The following PHC2 variants were observed in gnomAD, a reference collection of about 807,000 sequenced individuals.
PHC2 encodes the protein polyhomeotic-like protein 2.
In PHC2, 29 loss-of-function variants were observed where a neutral mutation model predicts 87.4. That is an observed-to-expected ratio of 0.33 (90% CI 0.25 to 0.45). The LOEUF (loss-of-function observed/expected upper bound fraction) is 0.45, where lower values mean the gene tolerates loss of function less well. PHC2 is among the 20% of genes least tolerant of loss of function. The pLI, the probability that PHC2 is intolerant of heterozygous loss-of-function variation, is 1.00. For missense variants in PHC2, 857 were observed against 1,136.7 expected, an observed-to-expected ratio of 0.75 and a Z score of 3.54; for synonymous variants, 438 against 461.7, an observed-to-expected ratio of 0.95 and a Z score of 0.66.
chr1:33,411,913 A>G (rs908642204), intron 1 of PHC2, among the ~76,000 whole-genome samples: 1 of 152,196 alleles, frequency 6.6e-6, no homozygotes, highest in Non-Finnish European at 1.5e-5. Flanking sequence ...ATACTCAACC[A>G]TCATAACAAT....
rs1646916858 is a variant in PHC2, at chr1:33,349,517, C to A, written c.1558+4884G>T. The A allele has an allele frequency of 1.4e-5, 14 of 984,132 alleles. No individual in the cohort carries two copies. In the South Asian group the frequency reaches 4.2e-4, roughly 30 times the overall value. The allele number at this position is 984,132 out of a possible 1,614,324, so 61.0% of individuals were successfully genotyped here. ...CCCGGGCCGTTAGGGGCACCGAGGG[C>A]GGTGCCCGACTTCCAGTGCGGCGAG... On this transcript the variant is annotated intron_variant, in intron 9 of 14. Transcript: ENST00000683057. This position sits in a 1 kb window ranked among gnomAD's most constrained non-coding sequence, Gnocchi z 4.2.
rs1646586269 is a variant in PHC2, at chr1:33,334,702, G to A, written c.1559-410C>T. On this transcript the variant is annotated intron_variant, in intron 9 of 14. Transcript: ENST00000683057. The surrounding 1 kb of genome is among the most constrained non-coding windows in gnomAD (Gnocchi z 5.5). Reference sequence around the variant, plus strand: ...GTGACATCTAAAACCAGGACAAGAAGCTGAGCTAGGTATAGGGCTTTGAGT... The same window carrying A: ...GTGACATCTAAAACCAGGACAAGAAACTGAGCTAGGTATAGGGCTTTGAGT... 6.6e-6 allele frequency among the ~76,000 whole-genome samples: 1 copy of A among 152,238 alleles called. No homozygotes were observed. Among genetic ancestry groups the A allele is most frequent in the Non-Finnish European group, 1.5e-5 (1 of 68,036 alleles).
rs757581155 is a variant in PHC2, at chr1:33,367,125, T to G, written c.967A>C (p.Ile323Leu). 7 of 1,603,974 alleles carry G rather than the reference T, an allele frequency of 4.4e-6. No homozygotes were observed. Among genetic ancestry groups the G allele is most frequent in the Non-Finnish European group, 6.0e-6 (7 of 1,172,888 alleles). ...TVPAVAAHPL[I>L]APAYAQLQPH... ...TTCCTGAAGACCTTACCTGGTGCAA[T>G]GAGGGGGTGGGCAGCCACAGCAGGA... Residue 323 changes from isoleucine (I) to leucine (L), a missense_variant, in exon 7 of 15, where the codon ATT (isoleucine) becomes CTT (leucine). Physicochemically the swap from Ile to Leu is conservative, Grantham distance 5. Transcript: ENST00000683057.
At chr1:33,367,059 C>T in intron 7 of PHC2, 57 bp downstream of exon 7, 4 of 1,448,086 alleles carry the variant, frequency 2.8e-6, no homozygotes, top group African/African-American at 1.4e-5. Flanking sequence ...AAAGTCTCCT[C>T]CTGACTCACG....
At position 33,369,501 on chromosome 1, in the gene PHC2, C is replaced by T. The variant is rs537253193; in HGVS notation, c.577-879G>A. ...CATCACAGTGTGGCTGTCCAGTTCC[C>T]GAGGAGATGGAAGTCTATTTCATGC... is the stretch of plus-strand genomic sequence containing the variant. On this transcript the variant is annotated intron_variant, in intron 5 of 14. Coordinates refer to ENST00000683057, the MANE Select transcript of PHC2 (RefSeq NM_001385109.1). This position sits in a 1 kb window ranked among gnomAD's most constrained non-coding sequence, Gnocchi z 4.7. Among the ~76,000 whole-genome samples, 12 of 152,248 alleles carry T rather than the reference C, an allele frequency of 7.9e-5. No homozygotes were observed. The East Asian group carries it at 1.4e-3, about 17-fold the overall frequency.
chr1:33,332,197 A>G lies in PHC2; in HGVS notation c.1891+78T>C. ...GCTGGCTCAGGGTTCCTCTGGGGAA[A>G]CAGAGAGAGGAAGTGTGTGAGGCCT... On this transcript the variant is annotated intron_variant, in intron 11 of 14. Coordinates refer to ENST00000683057, the MANE Select transcript of PHC2 (RefSeq NM_001385109.1). The surrounding 1 kb of genome is among the most constrained non-coding windows in gnomAD (Gnocchi z 4.2). 1.9e-6 allele frequency: 3 copies of G among 1,542,288 alleles called. No homozygotes were observed. Among genetic ancestry groups the G allele is most frequent in the Non-Finnish European group, 2.7e-6 (3 of 1,117,844 alleles).
In PHC2 at chr1:33,333,771, C is replaced by A. The variant is rs927879726; in HGVS notation, c.1761+319G>T. 4 of 297,162 alleles carry A rather than the reference C, an allele frequency of 1.3e-5. No individual in the cohort carries two copies. In the South Asian group the frequency reaches 1.6e-4, roughly 12 times the overall value. 18.4% of individuals were successfully genotyped at this position (297,162 alleles called of 1,614,324 possible). A position where few individuals can be genotyped will look rare whatever the true frequency, so the allele number is the denominator to read the frequency against. On this transcript the variant is annotated intron_variant, in intron 10 of 14. Transcript: ENST00000683057. ...TGAAATCTAATTTCCCAAAACCCAT[C>A]ATCTCTCACCAAATATCCCACAGTG...
chr1:33,361,717 T>G (rs1398534223), intron 7 of PHC2, among the ~76,000 whole-genome samples: 1 of 152,236 alleles, frequency 6.6e-6, no homozygotes, highest in East Asian at 1.9e-4. Context: ...GAGTAGGATA[T>G]CCTGGCGATC....
chr1:33,363,452 G>T (rs936138294), intron 7 of PHC2, among the ~76,000 whole-genome samples: 1 of 152,136 alleles, frequency 6.6e-6, no homozygotes, highest in African/African-American at 2.4e-5. Flanking sequence ...AGGGAAATAG[G>T]GTACCCAAGA....
intron 4 of PHC2, 104 bp downstream of exon 4, chr1:33,370,913 C>G: frequency 1.1e-6 from 1 of 941,904 alleles, no homozygotes; most frequent in Non-Finnish European, 1.7e-6. Flanking sequence ...TAGATTCCAG[C>G]CATGATGCTA....
Position 33,324,833 on chromosome 1 carries a change from G to A in PHC2, c.*32C>T, listed in dbSNP as rs752325255. 3.8e-6 allele frequency: 6 copies of A among 1,591,128 alleles called. No homozygotes were observed. The highest frequency in any genetic ancestry group is 1.7e-5 in the Admixed American group (1 of 58,616). On this transcript the variant is annotated 3_prime_UTR_variant, in exon 15 of 15. Coordinates refer to ENST00000683057, the MANE Select transcript of PHC2 (RefSeq NM_001385109.1). ...TGGCTCTGCTCAGTCGGGAGGAGGCGCCCTGGGCCAGAATCCTGGCTGCCA... is the reference window on the plus strand; with the variant it reads ...TGGCTCTGCTCAGTCGGGAGGAGGCACCCTGGGCCAGAATCCTGGCTGCCA...
intron 7 of PHC2, chr1:33,363,343 C>T (rs369815070): frequency 1.7e-4 from 26 of 152,278 alleles, no homozygotes; most frequent in South Asian, 1.5e-3. Context: ...TCATCAAAAT[C>T]GTTGGGGATT....
chr1:33,362,840 T>C (rs1647232018), intron 7 of PHC2, among the ~76,000 whole-genome samples: 1 of 152,330 alleles, frequency 6.6e-6, no homozygotes, highest in South Asian at 2.1e-4. Context: ...TTAACACCCA[T>C]AGTGTTCAGC....
intron 1 of PHC2, among the ~76,000 whole-genome samples, chr1:33,428,794 G>C (rs536195789): frequency 6.6e-6 from 1 of 152,350 alleles, no homozygotes; most frequent in South Asian, 2.1e-4. Flanking sequence ...TAAGGAGGGA[G>C]GGTGAACAGA....
At chr1:33,346,050 C>G in intron 9 of PHC2, 1 of 985,340 alleles carries the variant, frequency 1.0e-6, no homozygotes, top group African/African-American at 1.7e-5. Context: ...ACATTTAAAG[C>G]ATAAATCTAT....
At chr1:33,325,219 T>C in intron 14 of PHC2, 200 bp from the exon 15 acceptor site, 1 of 566,170 alleles carries the variant, frequency 1.8e-6, no homozygotes, top group Non-Finnish European at 3.1e-6. Context: ...GCAGCCGCGA[T>C]CTGGGCCTCC....
chr1:33,351,924 C>T (rs1454017758), intron 9 of PHC2, among the ~76,000 whole-genome samples: 1 of 144,690 alleles, frequency 6.9e-6, no homozygotes, highest in Non-Finnish European at 1.5e-5. Context: ...TGCACTCCAG[C>T]CTGGGCGACA....
At chr1:33,350,117 A>G (rs992291736) in intron 9 of PHC2, among the ~76,000 whole-genome samples, 2 of 151,262 alleles carry the variant, frequency 1.3e-5, no homozygotes, top group Non-Finnish European at 3.0e-5. Context: ...CTGCCCTGAT[A>G]GCCGGTGCAA....
intron 1 of PHC2, among the ~76,000 whole-genome samples, chr1:33,386,792 A>G (rs549532162): frequency 2.0e-5 from 3 of 152,238 alleles, no homozygotes; most frequent in South Asian, 2.1e-4. Flanking sequence ...GCGCACACAC[A>G]TCACAGTGTG....
Sources: allele counts gnomAD v4.1 joint callset (sites outside exome capture counted in the v4.1 genomes callset), GRCh38; gene constraint gnomAD v4.1.1; non-coding constraint Gnocchi (gnomAD v3.1); transcripts MANE v1.5; gene names NCBI Gene and HGNC (gene_info 2026-07-23, HGNC 2026-07-21).